The following SH3PXD2B variants were observed in gnomAD, a reference collection of about 807,000 sequenced individuals.
SH3PXD2B encodes the protein SH3 and PX domain-containing protein 2B.
SH3PXD2B carries 37 observed loss-of-function variants against 73.1 expected under a neutral mutation model. The observed-to-expected ratio is 0.51, with a 90% CI of 0.39 to 0.67. SH3PXD2B has a LOEUF of 0.67. Ranked by LOEUF, SH3PXD2B falls within the 30% of genes least tolerant of loss-of-function variation. The pLI is 0.00. For synonymous variants in SH3PXD2B, 457 were observed against 480.5 expected (o/e 0.95, Z 0.64); for missense variants, 1,053 against 1,197.8 (o/e 0.88, Z 1.78).
At chr5:172,366,822 T>C (rs1027544877) in intron 6 of SH3PXD2B, among the ~76,000 whole-genome samples, 6 of 151,104 alleles carry the variant, frequency 4.0e-5, no homozygotes, top group African/African-American at 1.5e-4. Context: ...TTAGTAGAGA[T>C]GGGGTTTCAC....
At chr5:172,402,433 G>A (rs1181788206) in intron 3 of SH3PXD2B, among the ~76,000 whole-genome samples, 1 of 152,192 alleles carries the variant, frequency 6.6e-6, no homozygotes, top group Admixed American at 6.5e-5. Flanking sequence ...TGTGAAGCAT[G>A]TGATCTCTGT....
At chr5:172,331,358 T>C (rs1358517752), downstream of SH3PXD2B, among the ~76,000 whole-genome samples, 1 of 152,204 alleles carries the variant, frequency 6.6e-6, no homozygotes, top group South Asian at 2.1e-4. Flanking sequence ...TGATTCCTGC[T>C]GAGTTTGACT....
chr5:172,328,672 C>G (rs1292658619), downstream of SH3PXD2B, among the ~76,000 whole-genome samples: 1 of 152,086 alleles, frequency 6.6e-6, no homozygotes, highest in Non-Finnish European at 1.5e-5. Flanking sequence ...CATGGTGTCT[C>G]AAGCTTGAAT....
At position 172,333,503 on chromosome 5, in the gene SH3PXD2B, T is replaced by C. The variant is rs1468988731; in HGVS notation, c.*4866A>G. On this transcript the variant is annotated 3_prime_UTR_variant, in exon 13 of 13. Transcript: ENST00000311601. ...AAAATCCATAGACACTGCATCTTCA[T>C]GATGAAGCTTGAAACCAGTCAAGCA... 8.6e-7 allele frequency: 1 copy of C among 1,168,792 alleles called. No homozygotes were observed. Among genetic ancestry groups the C allele is most frequent in the Non-Finnish European group, 1.1e-6 (1 of 937,038 alleles). 72.4% of individuals were successfully genotyped at this position (1,168,792 alleles called of 1,614,324 possible).
chr5:172,376,027 C>CTT (rs1239733447), intron 5 of SH3PXD2B, among the ~76,000 whole-genome samples: 4 of 145,550 alleles, frequency 2.7e-5, no homozygotes, highest in African/African-American at 1.1e-4. Context: ...TGTCATGTAT[C>CTT]TTCTTTTTTT....
chr5:172,407,122 G>A (rs1272116144), intron 2 of SH3PXD2B, among the ~76,000 whole-genome samples: 2 of 152,150 alleles, frequency 1.3e-5, no homozygotes, highest in Non-Finnish European at 2.9e-5. Context: ...AACCTTTTAG[G>A]ACCTCATCTT....
intron 1 of SH3PXD2B, among the ~76,000 whole-genome samples, chr5:172,432,244 C>T (rs759505431): frequency 2.0e-5 from 3 of 152,164 alleles, no homozygotes; most frequent in Non-Finnish European, 2.9e-5. Flanking sequence ...TCAGAGTCAA[C>T]AGCACTGCAA....
intron 8 of SH3PXD2B, among the ~76,000 whole-genome samples, chr5:172,354,715 G>A (rs963302331): frequency 6.6e-6 from 1 of 152,148 alleles, no homozygotes; most frequent in Non-Finnish European, 1.5e-5. Flanking sequence ...TTACCTTGCC[G>A]GCAGCTGATC....
rs773015718 is a variant in SH3PXD2B at position 172,339,822 on chromosome 5, G to A, written c.1283C>T (p.Thr428Met). Residue 428 changes from threonine to methionine, a missense_variant, in exon 13 of 13, where the codon ACG (threonine) becomes ATG (methionine). By Grantham distance (81) the Thr-to-Met change is moderately conservative. This residue lies in a region of SH3PXD2B where 466 missense variants were observed against 607.1 expected (regional missense o/e 0.77). Coordinates refer to ENST00000311601, the MANE Select transcript of SH3PXD2B (RefSeq NM_001017995.3). The surrounding 1 kb of genome is among the most constrained non-coding windows in gnomAD (Gnocchi z 6.1). ...PATFIDKYKK[T>M]SNASRPNFLA... ...AAAGTTGGGTCTCGACGCGTTGCTCGTCTTCTTGTACTTGTCAATGAAGGT... is the reference window on the plus strand; with the variant it reads ...AAAGTTGGGTCTCGACGCGTTGCTCATCTTCTTGTACTTGTCAATGAAGGT... 9.9e-6 allele frequency: 16 copies of A among 1,614,052 alleles called. No individual in the cohort carries two copies. Among genetic ancestry groups the A allele is most frequent in the African/African-American group, 5.3e-5 (4 of 75,060 alleles).
At chr5:172,364,575 G>A (rs1757469458) in intron 6 of SH3PXD2B, among the ~76,000 whole-genome samples, 1 of 152,184 alleles carries the variant, frequency 6.6e-6, no homozygotes, top group Non-Finnish European at 1.5e-5. Context: ...TGAGCCATGA[G>A]AATCGCTTGA....
chr5:172,384,245 C>T (rs954909562), intron 4 of SH3PXD2B, among the ~76,000 whole-genome samples: 4 of 152,094 alleles, frequency 2.6e-5, no homozygotes, highest in South Asian at 2.1e-4. Context: ...CGTGGACCAA[C>T]GGAGAGATGA....
intron 3 of SH3PXD2B, among the ~76,000 whole-genome samples, chr5:172,395,263 T>C (rs935486000): frequency 3.3e-5 from 5 of 152,224 alleles, no homozygotes; most frequent in East Asian, 1.9e-4. Context: ...TCTGCACCAA[T>C]AGGAACTGAC....
intron 1 of SH3PXD2B, among the ~76,000 whole-genome samples, chr5:172,435,940 C>G (rs1006226233): frequency 5.9e-5 from 9 of 152,196 alleles, no homozygotes; most frequent in Non-Finnish European, 1.2e-4. Context: ...CAATGTCTGC[C>G]AGGGGCAGGG....
chr5:172,378,361 C>T (rs1757866075), intron 5 of SH3PXD2B, among the ~76,000 whole-genome samples: 2 of 152,350 alleles, frequency 1.3e-5, no homozygotes, highest in South Asian at 4.1e-4. Flanking sequence ...GGTCCATGTA[C>T]AGGATTCTGC....
intron 6 of SH3PXD2B, among the ~76,000 whole-genome samples, chr5:172,365,679 G>A (rs1367380941): frequency 6.6e-6 from 1 of 152,206 alleles, no homozygotes; most frequent in East Asian, 1.9e-4. Context: ...GCCTGAGAGT[G>A]GGCTGCTTCA....
At chr5:172,345,158 G>C (rs543379982) in intron 12 of SH3PXD2B, among the ~76,000 whole-genome samples, 2 of 151,128 alleles carry the variant, frequency 1.3e-5, no homozygotes, top group African/African-American at 4.8e-5. Flanking sequence ...AGGCAGGCAG[G>C]CTATAGTCCT....
intron 2 of SH3PXD2B, among the ~76,000 whole-genome samples, chr5:172,411,965 C>CCCCTCT (rs1314732212): frequency 6.6e-6 from 1 of 151,816 alleles, no homozygotes; most frequent in Non-Finnish European, 1.5e-5. Flanking sequence ...CTGTGACTCC[C>CCCCTCT]CCCTCTCCCT....
chr5:172,343,821 A>G (rs559785111), intron 12 of SH3PXD2B, among the ~76,000 whole-genome samples: 23 of 151,834 alleles, frequency 1.5e-4, no homozygotes, highest in Admixed American at 9.8e-4. Flanking sequence ...AAAAAAAAAG[A>G]TCACAAGAAT....
intron 12 of SH3PXD2B, among the ~76,000 whole-genome samples, chr5:172,342,488 C>T (rs1045130407): frequency 5.9e-5 from 9 of 152,262 alleles, no homozygotes; most frequent in East Asian, 3.9e-4. Context: ...TGGCCGGGCG[C>T]GGTGGCTCAC....
Sources: gnomAD v4.1 joint callset for allele counts (sites outside exome capture counted in the v4.1 genomes callset) on GRCh38, gnomAD v4.1.1 for gene constraint, gnomAD v4.1.1 regional missense constraint, Gnocchi (gnomAD v3.1) non-coding constraint, MANE v1.5 for transcripts, NCBI Gene and HGNC (gene_info 2026-07-23, HGNC 2026-07-21) for gene names.